The following MAP4K3 variants were observed in gnomAD, a reference collection of about 807,000 sequenced individuals.
MAP4K3 encodes MAPK/ERK kinase kinase kinase 3.
In MAP4K3, 94 loss-of-function variants were observed where a neutral mutation model predicts 143.5. The observed-to-expected ratio is 0.65, with a 90% CI of 0.55 to 0.78. MAP4K3 has a LOEUF of 0.78. Among genes scored for constraint, MAP4K3 ranks in the 30% least tolerant of loss-of-function variants. MAP4K3 has a pLI of 0.00. For missense variants in MAP4K3, 1,077 were observed against 1,068.1 expected (o/e 1.01, Z -0.12); for synonymous variants, 416 against 347.2 (o/e 1.20, Z -2.20).
intron 1 of MAP4K3, among the ~76,000 whole-genome samples, chr2:39,410,920 T>C (rs180907799): frequency 1.4e-4 from 22 of 152,188 alleles, no homozygotes; most frequent in African/African-American, 5.1e-4. Context: ...AAGAAACATA[T>C]CTTCACCATA....
At chr2:39,368,663 T>A (rs925379931) in intron 2 of MAP4K3, among the ~76,000 whole-genome samples, 1 of 151,856 alleles carries the variant, frequency 6.6e-6, no homozygotes, top group Non-Finnish European at 1.5e-5. Flanking sequence ...GGTGAGATCC[T>A]GTCTCTAAAA....
At chr2:39,332,016 G>A in intron 7 of MAP4K3, 27 bp from the exon 8 acceptor site, 1 of 1,307,052 alleles carries the variant, frequency 7.7e-7, no homozygotes, top group Non-Finnish European at 1.1e-6. Flanking sequence ...GAAACATTTA[G>A]GAAACTGAGA....
In MAP4K3 at chr2:39,437,233, A is replaced by C; in HGVS notation, c.-246T>G. 3.3e-6 allele frequency: 1 copy of C among 301,392 alleles called. No homozygotes were observed. Among genetic ancestry groups the C allele is most frequent in the Non-Finnish European group, 6.1e-6 (1 of 165,114 alleles). 18.7% of individuals were successfully genotyped at this position (301,392 alleles called of 1,614,324 possible). On this transcript the variant is annotated 5_prime_UTR_variant, in exon 1 of 34. Transcript: ENST00000263881. ...GCCGAACCTGGTCACACCCACAAGG[A>C]GAGGAGAACCCTCGCAGCCCCTCGC...
intron 1 of MAP4K3, among the ~76,000 whole-genome samples, chr2:39,404,912 C>T (rs973733778): frequency 6.6e-6 from 1 of 152,148 alleles, no homozygotes; most frequent in African/African-American, 2.4e-5. Flanking sequence ...TGAGCCACCA[C>T]ACCCAGCCGA....
intron 24 of MAP4K3, among the ~76,000 whole-genome samples, chr2:39,276,010 C>A (rs1049251407): frequency 1.3e-5 from 2 of 151,996 alleles, no homozygotes; most frequent in African/African-American, 2.4e-5. Context: ...GTAGCTGGGA[C>A]TACAGCTGCA....
intron 2 of MAP4K3, among the ~76,000 whole-genome samples, chr2:39,359,892 C>T (rs1221793298): frequency 1.3e-5 from 2 of 152,218 alleles, no homozygotes; most frequent in African/African-American, 4.8e-5. Context: ...GCCCACAGTA[C>T]CATTTTTTCC....
chr2:39,403,299 A>G (rs1389462579), intron 1 of MAP4K3, among the ~76,000 whole-genome samples: 2 of 152,214 alleles, frequency 1.3e-5, no homozygotes, highest in Admixed American at 1.3e-4. Flanking sequence ...GTGTGCACTC[A>G]AAGTACCTGG....
chr2:39,281,263 C>A (rs912012425), intron 22 of MAP4K3, among the ~76,000 whole-genome samples: 1 of 152,094 alleles, frequency 6.6e-6, no homozygotes, highest in South Asian at 2.1e-4. Context: ...ACATACTGAA[C>A]GAAAACATCA....
intron 1 of MAP4K3, among the ~76,000 whole-genome samples, chr2:39,384,540 C>G (rs1666442070): frequency 6.6e-6 from 1 of 152,138 alleles, no homozygotes; most frequent in Non-Finnish European, 1.5e-5. Flanking sequence ...GAGCAAAACT[C>G]CATCTCAAAA....
chr2:39,401,798 T>C (rs1196901626), intron 1 of MAP4K3, among the ~76,000 whole-genome samples: 1 of 151,978 alleles, frequency 6.6e-6, no homozygotes, highest in Non-Finnish European at 1.5e-5. Context: ...TGTGACCCTG[T>C]CTCAGAAAAA....
chr2:39,432,496 G>C (rs1665320897), intron 1 of MAP4K3, among the ~76,000 whole-genome samples: 1 of 152,222 alleles, frequency 6.6e-6, no homozygotes, highest in Non-Finnish European at 1.5e-5. Flanking sequence ...GTCTATTAGA[G>C]TCTATCCTAA....
At chr2:39,254,066 C>T (rs1187806462) in intron 32 of MAP4K3, among the ~76,000 whole-genome samples, 1 of 152,172 alleles carries the variant, frequency 6.6e-6, no homozygotes, top group African/African-American at 2.4e-5. Context: ...ATAGTCTGCG[C>T]TGGTCATTAT....
intron 1 of MAP4K3, among the ~76,000 whole-genome samples, chr2:39,381,321 G>A: frequency 6.6e-6 from 1 of 152,134 alleles, no homozygotes; most frequent in East Asian, 1.9e-4. Context: ...TCAATTCTTT[G>A]TCCATTTTAA....
intron 8 of MAP4K3, among the ~76,000 whole-genome samples, chr2:39,327,348 G>T (rs542903643): frequency 2.6e-5 from 4 of 152,218 alleles, no homozygotes; most frequent in African/African-American, 9.6e-5. Context: ...TTTAAAAAAT[G>T]TATTTATTCA....
rs17023530 is a variant in MAP4K3, at chr2:39,272,473, T to A, written c.1855+9A>T. 83,728 of 1,608,622 alleles carry A rather than the reference T, an allele frequency of 0.052. 2,729 individuals are homozygous for A. The highest frequency in any genetic ancestry group is 0.16 in the African/African-American group (11,644 of 74,826). On this transcript the variant is annotated intron_variant, in intron 25 of 33. Transcript: ENST00000263881. ...CAATTGTAAGGTATTTAAAAACTAA[T>A]ATACTTACCAGATATTGATAGCAAG...
chr2:39,377,760 C>T (rs1278627007), intron 2 of MAP4K3, among the ~76,000 whole-genome samples: 3 of 152,142 alleles, frequency 2.0e-5, no homozygotes, highest in Admixed American at 6.6e-5. Context: ...CACCACAAGA[C>T]GTCAGCCTGG....
intron 32 of MAP4K3, among the ~76,000 whole-genome samples, chr2:39,253,507 A>G (rs749164901): frequency 1.6e-4 from 25 of 152,188 alleles, no homozygotes; most frequent in Non-Finnish European, 2.8e-4. Context: ...TCATTTAATC[A>G]TAACAACTCA....
chr2:39,373,754 G>T lies in MAP4K3; in HGVS notation c.154+4312C>A, dbSNP rs1480812781. 3.3e-5 allele frequency among the ~76,000 whole-genome samples: 5 copies of T among 152,178 alleles called. No homozygotes were observed. The East Asian group carries it at 9.6e-4, about 29-fold the overall frequency. ...AAAACTCAAAACAATTGAACTTAAG[G>T]AGATAGAGAGTAGAAGCATGGTTAC... is the stretch of plus-strand genomic sequence containing the variant. On this transcript the variant is annotated intron_variant, in intron 2 of 33. Coordinates refer to ENST00000263881, the MANE Select transcript of MAP4K3 (RefSeq NM_003618.4).
intron 1 of MAP4K3, among the ~76,000 whole-genome samples, chr2:39,387,256 TA>T (rs111281098): frequency 1.9e-4 from 28 of 149,418 alleles, no homozygotes; most frequent in African/African-American, 4.4e-4. Context: ...CTTGTCTGTT[TA>T]AAAAAAAAAA....
Sources: gnomAD v4.1 joint callset for allele counts (sites outside exome capture counted in the v4.1 genomes callset) on GRCh38, gnomAD v4.1.1 for gene constraint, MANE v1.5 for transcripts, NCBI Gene and HGNC (gene_info 2026-07-23, HGNC 2026-07-21) for gene names.